The following LGMN variants were observed in gnomAD, a reference collection of about 807,000 sequenced individuals.
LGMN encodes legumain.
LGMN carries 36 observed loss-of-function variants against 56.8 expected under a neutral mutation model. The observed-to-expected ratio is 0.63, with a 90% CI of 0.49 to 0.84. The LOEUF (loss-of-function observed/expected upper bound fraction) is 0.84. LGMN is among the 40% of genes least tolerant of loss of function. LGMN has a pLI of 0.00. For synonymous variants in LGMN, 199 were observed against 210.1 expected (o/e 0.95, Z 0.46); for missense variants, 446 against 556.1 (o/e 0.80, Z 1.99).
intron 8 of LGMN, 81 bp downstream of exon 8, chr14:92,712,724 G>A (rs1394180810): frequency 9.6e-6 from 13 of 1,351,428 alleles, no homozygotes; most frequent in Non-Finnish European, 1.4e-5. Context: ...CCTGCTTACG[G>A]AGAATGCTCA....
intron 13 of LGMN, 104 bp downstream of exon 13, chr14:92,704,536 A>G: frequency 8.9e-7 from 1 of 1,119,422 alleles, no homozygotes; most frequent in East Asian, 2.4e-5. Flanking sequence ...AGCTGGAGGG[A>G]GCTCCTGGCA....
chr14:92,723,710 A>T (rs1329216693), intron 2 of LGMN, among the ~76,000 whole-genome samples: 2 of 151,350 alleles, frequency 1.3e-5, no homozygotes, highest in East Asian at 3.9e-4. Flanking sequence ...CTGAGGCTAG[A>T]GGTGGGAACT....
In LGMN at chr14:92,712,670, C is replaced by T. The variant is rs565775213; in HGVS notation, c.610+135G>A. On this transcript the variant is annotated intron_variant, in intron 8 of 13. Coordinates refer to ENST00000334869, the MANE Select transcript of LGMN (RefSeq NM_005606.7). ...AGCAGAGGAAGCCCAGAGCTACCTG[C>T]AAGTATCTCCCCACTTCTATGGCCC... 349 of 739,406 alleles carry T rather than the reference C, an allele frequency of 4.7e-4. 4 individuals carry two copies. The highest frequency in any genetic ancestry group is 3.8e-3 in the South Asian group (236 of 62,212). 45.8% of individuals were successfully genotyped at this position (739,406 alleles called of 1,614,324 possible).
At chr14:92,748,465 T>A (rs557608331) in intron 1 of LGMN, 24 bp downstream of exon 1, 40 of 153,794 alleles carry the variant, frequency 2.6e-4, no homozygotes, top group East Asian at 1.3e-3. Context: ...CTGAACCCGG[T>A]TCTGTGCTGG....
intron 1 of LGMN, among the ~76,000 whole-genome samples, chr14:92,739,065 G>A (rs1293987326): frequency 6.6e-6 from 1 of 151,336 alleles, no homozygotes; most frequent in Non-Finnish European, 1.5e-5. Flanking sequence ...ACACTATTTT[G>A]GGAAACACAT....
At chr14:92,742,329 A>C (rs1891599363) in intron 1 of LGMN, among the ~76,000 whole-genome samples, 1 of 120,170 alleles carries the variant, frequency 8.3e-6, no homozygotes, top group Admixed American at 1.2e-4. Flanking sequence ...ACAGAGTCTC[A>C]CTCTGTCGTC....
rs1430062720 is a variant in LGMN, at chr14:92,714,928, G to A, written c.405-477C>T. On this transcript the variant is annotated intron_variant, in intron 5 of 13. Transcript: ENST00000334869. The surrounding 1 kb of genome is among the most constrained non-coding windows in gnomAD (Gnocchi z 5.1). ...CACCAGATGGCGCTGCTTCAAAGTG[G>A]CAGAGATGTAGTAACTTACATGAAG... Among the ~76,000 whole-genome samples, 1 of 152,034 alleles carries A rather than the reference G, an allele frequency of 6.6e-6. No homozygotes were observed. The highest frequency in any genetic ancestry group is 2.4e-5 in the African/African-American group (1 of 41,362).
At chr14:92,708,580 C>T (rs1889564888) in intron 11 of LGMN, among the ~76,000 whole-genome samples, 1 of 152,092 alleles carries the variant, frequency 6.6e-6, no homozygotes, top group South Asian at 2.1e-4. Flanking sequence ...TAGATATGTG[C>T]ATTTAAAACA....
intron 2 of LGMN, among the ~76,000 whole-genome samples, chr14:92,719,218 AACACCACCACCG>A: frequency 1.1e-5 from 1 of 94,810 alleles, no homozygotes; most frequent in African/African-American, 5.2e-5. Flanking sequence ...CACCGCCACC[AACACCACCACCG>A]CCACCGCCAC....
At chr14:92,719,720 A>G (rs1890360572) in intron 2 of LGMN, among the ~76,000 whole-genome samples, 1 of 152,242 alleles carries the variant, frequency 6.6e-6, no homozygotes, top group Non-Finnish European at 1.5e-5. Flanking sequence ...CATTATAAAT[A>G]AGAGAAAAAT....
At chr14:92,716,869 A>T (rs1890100089) in intron 4 of LGMN, among the ~76,000 whole-genome samples, 1 of 152,212 alleles carries the variant, frequency 6.6e-6, no homozygotes, top group African/African-American at 2.4e-5. Context: ...GGTCGATTTT[A>T]AAAATGTGTC....
At chr14:92,718,140 A>C (rs751824600) in intron 3 of LGMN, among the ~76,000 whole-genome samples, 15 of 152,216 alleles carry the variant, frequency 9.9e-5, no homozygotes, top group Non-Finnish European at 2.1e-4. Context: ...GCCTGCTCGG[A>C]GCTTAGGAGC....
intron 1 of LGMN, among the ~76,000 whole-genome samples, chr14:92,736,236 G>A (rs940285071): frequency 1.3e-5 from 2 of 152,058 alleles, no homozygotes; most frequent in Admixed American, 1.3e-4. Flanking sequence ...CAAGATTAAC[G>A]GACAGAGGAC....
intron 12 of LGMN, 69 bp from the exon 13 acceptor site, chr14:92,704,776 T>C (rs941762150): frequency 3.9e-5 from 49 of 1,247,464 alleles, no homozygotes; most frequent in African/African-American, 2.5e-4. Flanking sequence ...ACTTTTGCAA[T>C]TGCAGAGGGG....
Position 92,709,867 on chromosome 14 carries a change from G to A in LGMN, c.825C>T (p.Ile275=). The A allele has an allele frequency of 6.2e-7, 1 of 1,602,548 alleles. No homozygotes were observed. Among genetic ancestry groups the A allele is most frequent in the Non-Finnish European group, 8.5e-7 (1 of 1,173,022 alleles). ...GAAACTGCATCACTTTCATGGTGGAGATTGTCTGGGGAGACAGACAGCAAG... is the reference window on the plus strand; with the variant it reads ...GAAACTGCATCACTTTCATGGTGGAAATTGTCTGGGGAGACAGACAGCAAG... ...SHVMQYGNKT[I]STMKVMQFQG... Residue 275 remains isoleucine (I), a synonymous_variant, in exon 11 of 14, where the codon ATC becomes ATT. Coordinates refer to ENST00000334869, the MANE Select transcript of LGMN (RefSeq NM_005606.7).
At chr14:92,741,750 C>A (rs1256824800) in intron 1 of LGMN, 1 of 152,226 alleles carries the variant, frequency 6.6e-6, no homozygotes, top group Non-Finnish European at 1.5e-5. Flanking sequence ...GTAATCCCAG[C>A]TACTCGGGAG....
intron 2 of LGMN, among the ~76,000 whole-genome samples, chr14:92,719,292 C>T (rs1199764406): frequency 1.9e-5 from 2 of 108,044 alleles, no homozygotes; most frequent in Non-Finnish European, 3.8e-5. Context: ...CCGCCGCCGC[C>T]GCCGCCGCCA....
chr14:92,744,977 GTTAGAAC>G (rs1162963812), intron 1 of LGMN, among the ~76,000 whole-genome samples: 1 of 152,080 alleles, frequency 6.6e-6, no homozygotes, highest in African/African-American at 2.4e-5. Context: ...TCTATTAATG[GTTAGAAC>G]TTAGGTTTCT....
intron 13 of LGMN, 127 bp downstream of exon 13, chr14:92,704,513 G>T: frequency 1.9e-6 from 2 of 1,064,918 alleles, no homozygotes; most frequent in South Asian, 1.3e-5. Context: ...GCTGACAAAT[G>T]GCTGTAGAGG....
Sources: allele counts gnomAD v4.1 joint callset (sites outside exome capture counted in the v4.1 genomes callset), GRCh38; gene constraint gnomAD v4.1.1; non-coding constraint Gnocchi (gnomAD v3.1); transcripts MANE v1.5; gene names NCBI Gene and HGNC (gene_info 2026-07-23, HGNC 2026-07-21).